The following AKT2 variants were observed in gnomAD, a reference collection of about 807,000 sequenced individuals.
AKT2 encodes RAC-beta serine/threonine-protein kinase.
Under a neutral mutation model 58.6 loss-of-function variants are expected in AKT2, and 16 were observed. The ratio of observed to expected loss-of-function variants is 0.27; its 90% CI spans 0.18 to 0.41. AKT2 has a LOEUF of 0.41. Ranked by LOEUF, AKT2 falls within the 10% of genes least tolerant of loss-of-function variation. The pLI, the probability that AKT2 is intolerant of heterozygous loss-of-function variation, is 1.00. For missense variants in AKT2, 438 were observed against 661.0 expected (o/e 0.66, Z 3.70); for synonymous variants, 253 against 254.0 (o/e 1.00, Z 0.04).
intron 4 of AKT2, among the ~76,000 whole-genome samples, chr19:40,246,879 G>A (rs1468107964): frequency 6.6e-6 from 1 of 152,226 alleles, no homozygotes; most frequent in Non-Finnish European, 1.5e-5. Context: ...CTCCACCAGG[G>A]CCTGGGCCTG....
At chr19:40,236,230 G>A (rs1039764080) in intron 10 of AKT2, 27 bp downstream of exon 10, 12 of 1,613,482 alleles carry the variant, frequency 7.4e-6, no homozygotes, top group East Asian at 2.2e-5. Flanking sequence ...GGCCTCACAC[G>A]TTCCTACCCC....
intron 3 of AKT2, among the ~76,000 whole-genome samples, chr19:40,256,649 T>C (rs76152615): frequency 7.6e-4 from 115 of 152,268 alleles, no homozygotes; most frequent in African/African-American, 2.8e-3. Context: ...CTCCAAGGCC[T>C]GGCTGACAGA....
At chr19:40,256,852 G>T in intron 3 of AKT2, 74 bp downstream of exon 3, 1 of 1,605,956 alleles carries the variant, frequency 6.2e-7, no homozygotes, top group Non-Finnish European at 8.5e-7. Context: ...CAATGACCAA[G>T]TCCCACAAGC....
chr19:40,241,491 G>T (rs1479280298), intron 6 of AKT2: 3 of 265,834 alleles, frequency 1.1e-5, no homozygotes, highest in Non-Finnish European at 2.2e-5. Flanking sequence ...GGCTACATGG[G>T]GGTCCGTAAT....
At chr19:40,278,142 G>A (rs1311505777) in intron 1 of AKT2, among the ~76,000 whole-genome samples, 1 of 152,238 alleles carries the variant, frequency 6.6e-6, no homozygotes, top group African/African-American at 2.4e-5. Context: ...AAGCAGAAAA[G>A]AAATCATGAT....
intron 4 of AKT2, among the ~76,000 whole-genome samples, chr19:40,254,438 G>GA (rs1975387901): frequency 6.8e-6 from 1 of 147,884 alleles, no homozygotes; most frequent in Admixed American, 6.7e-5. Context: ...TGAGGCAGGA[G>GA]AATCACTTGA....
chr19:40,238,042 CGGGCCCG>C lies in AKT2; in HGVS notation c.751_757del (p.Arg251GlyfsTer55). The C allele has an allele frequency of 6.2e-7, 1 of 1,609,604 alleles. No individual in the cohort carries two copies. Reference sequence around the variant, plus strand: ...CGAGACAATCTCTGCACCATAAAACCGGGCCCGCTCCTCTGTGAAGACACGCTCCCGG... The same window carrying C: ...CGAGACAATCTCTGCACCATAAAACCCTCCTCTGTGAAGACACGCTCCCGG... On this transcript the variant is annotated frameshift_variant, in exon 9 of 14. Coordinates refer to ENST00000392038, the MANE Select transcript of AKT2 (RefSeq NM_001626.6). LOFTEE classifies it high-confidence loss of function. This position sits in a 1 kb window ranked among gnomAD's most constrained non-coding sequence, Gnocchi z 5.1.
rs1255441718 is a variant in AKT2, at chr19:40,242,159, G to T, written c.442-90C>A. On this transcript the variant is annotated intron_variant, in intron 5 of 13. Coordinates refer to ENST00000392038, the MANE Select transcript of AKT2 (RefSeq NM_001626.6). The surrounding 1 kb of genome is among the most constrained non-coding windows in gnomAD (Gnocchi z 4.3). ...AACAAAAGAAAGAGGAAAACCAAAAGACACTGTTGCCAAACGGCTTAGGCT... is the reference window on the plus strand; with the variant it reads ...AACAAAAGAAAGAGGAAAACCAAAATACACTGTTGCCAAACGGCTTAGGCT... The T allele has an allele frequency of 1.3e-6, 2 of 1,572,846 alleles. No individual in the cohort carries two copies. The highest frequency in any genetic ancestry group is 1.7e-6 in the Non-Finnish European group (2 of 1,151,830).
rs1251753196 is a variant in AKT2 at position 40,255,074 on chromosome 19, G to A, written c.287+84C>T. 21 of 1,143,038 alleles carry A rather than the reference G, an allele frequency of 1.8e-5. No homozygotes were observed. The East Asian group carries it at 4.5e-4, about 25-fold the overall frequency. The allele number at this position is 1,143,038 out of a possible 1,614,324, so 70.8% of individuals were successfully genotyped here. A position where few individuals can be genotyped will look rare whatever the true frequency, so the allele number is the denominator to read the frequency against. ...TAGGAAACCCCTATGTAGGGTCCCA[G>A]GGAAAATCTCTCCAGCTGTACCTTT... On this transcript the variant is annotated intron_variant, in intron 4 of 13. Coordinates refer to ENST00000392038, the MANE Select transcript of AKT2 (RefSeq NM_001626.6).
rs533429829 is a variant in AKT2, at chr19:40,230,776, C to T, written c.*3096G>A. 123 of 195,566 alleles carry T rather than the reference C, an allele frequency of 6.3e-4. No homozygotes were observed. The highest frequency in any genetic ancestry group is 8.0e-4 in the Non-Finnish European group (76 of 94,462). The allele number at this position is 195,566 out of a possible 1,614,324, so 12.1% of individuals were successfully genotyped here. On this transcript the variant is annotated 3_prime_UTR_variant, in exon 14 of 14. Transcript: ENST00000392038. ...ATTGTCCCAGGCTGCAGTGCAGTGC[C>T]GCAATCATAGCTCACTGCAGCCTCA...
At chr19:40,283,054 T>C (rs761652344) in intron 1 of AKT2, 1 of 154,978 alleles carries the variant, frequency 6.5e-6, no homozygotes, top group Admixed American at 6.3e-5. Flanking sequence ...ACCACAGGTA[T>C]GTTTTGAGAC....
intron 1 of AKT2, among the ~76,000 whole-genome samples, chr19:40,277,264 A>G (rs2077343917): frequency 6.6e-6 from 1 of 152,234 alleles, no homozygotes; most frequent in African/African-American, 2.4e-5. Context: ...AATTTCCAAC[A>G]TGCCCCTACT....
chr19:40,249,248 TG>T (rs1163305104), intron 4 of AKT2, among the ~76,000 whole-genome samples: 1 of 152,168 alleles, frequency 6.6e-6, no homozygotes, highest in Non-Finnish European at 1.5e-5. Flanking sequence ...GGCTACGGAC[TG>T]GGGGCAGTGA....
At chr19:40,250,363 C>T (rs941455460) in intron 4 of AKT2, among the ~76,000 whole-genome samples, 15 of 151,984 alleles carry the variant, frequency 9.9e-5, no homozygotes, top group African/African-American at 3.6e-4. Context: ...ATGAGCTAGG[C>T]ATGGTGGCGC....
rs73555557 is a variant in AKT2, at chr19:40,232,538, A to G, written c.*1334T>C. On this transcript the variant is annotated 3_prime_UTR_variant, in exon 14 of 14. Coordinates refer to ENST00000392038, the MANE Select transcript of AKT2 (RefSeq NM_001626.6). Reference sequence around the variant, plus strand: ...TAGGGAGAGCAAACCCACAAAAGCTAAACTCCAAACACCCAGAGGTGTTGC... The same window carrying G: ...TAGGGAGAGCAAACCCACAAAAGCTGAACTCCAAACACCCAGAGGTGTTGC... 1.8e-3 allele frequency: 421 copies of G among 232,766 alleles called. 3 individuals carry two copies. Among genetic ancestry groups the G allele is most frequent in the African/African-American group, 8.8e-3 (400 of 45,304 alleles). The allele number at this position is 232,766 out of a possible 1,614,324, so 14.4% of individuals were successfully genotyped here. A position where few individuals can be genotyped will look rare whatever the true frequency, so the allele number is the denominator to read the frequency against.
At chr19:40,255,367 T>A (rs1055969421) in intron 3 of AKT2, 98 bp from the exon 4 acceptor site, 47 of 899,632 alleles carry the variant, frequency 5.2e-5, no homozygotes, top group Admixed American at 8.9e-5. Context: ...CCTAGCCCCA[T>A]GCTAGATGGT....
At chr19:40,271,066 A>C (rs2145394856) in intron 1 of AKT2, among the ~76,000 whole-genome samples, 1 of 150,984 alleles carries the variant, frequency 6.6e-6, no homozygotes, top group Admixed American at 6.6e-5. Flanking sequence ...CTGGCCGGGC[A>C]CGGTGGCTCA....
intron 4 of AKT2, among the ~76,000 whole-genome samples, chr19:40,249,651 T>C (rs1167783257): frequency 6.6e-6 from 1 of 152,220 alleles, no homozygotes; most frequent in East Asian, 1.9e-4. Flanking sequence ...CTGGAGGGCA[T>C]CTGGGGCCCT....
At position 40,242,594 on chromosome 19, in the gene AKT2, G is replaced by C. The variant is rs1181595533; in HGVS notation, c.381C>G (p.Pro127=). The C allele has an allele frequency of 3.1e-6, 5 of 1,613,676 alleles. No individual in the cohort carries two copies. The highest frequency in any genetic ancestry group is 3.4e-6 in the Non-Finnish European group (4 of 1,180,018). Residue 127 remains proline, a synonymous_variant, in exon 5 of 14, where the codon CCC becomes CCG. Coordinates refer to ENST00000392038, the MANE Select transcript of AKT2 (RefSeq NM_001626.6). The surrounding 1 kb of genome is among the most constrained non-coding windows in gnomAD (Gnocchi z 4.3). The stretch of plus-strand genomic sequence containing the variant: ...TCTCCTCAGTCGTGGAGGAGTCACT[G>C]GGGGAGCCACACTTGTAGTCCATGG... ...EDPMDYKCGS[P]SDSSTTEEME...
Sources: gnomAD v4.1 joint callset for allele counts (sites outside exome capture counted in the v4.1 genomes callset) on GRCh38, gnomAD v4.1.1 for gene constraint, Gnocchi (gnomAD v3.1) non-coding constraint, MANE v1.5 for transcripts, NCBI Gene and HGNC (gene_info 2026-07-23, HGNC 2026-07-21) for gene names.